The following MID1 variants were observed in gnomAD, a reference collection of about 807,000 sequenced individuals.
MID1 encodes the protein E3 ubiquitin-protein ligase Midline-1.
Under a neutral mutation model 40.4 loss-of-function variants are expected in MID1, and 7 were observed. The ratio of observed to expected loss-of-function variants is 0.17; its 90% CI spans 0.10 to 0.33. The LOEUF (loss-of-function observed/expected upper bound fraction) is 0.33, where lower values mean the gene tolerates loss of function less well. Ranked by LOEUF, MID1 falls within the 10% of genes least tolerant of loss-of-function variation. The pLI is 1.00. For missense variants in MID1, 367 were observed against 558.5 expected (o/e 0.66, Z 3.46); for synonymous variants, 229 against 221.2 (o/e 1.04, Z -0.31).
chrX:10,685,360 A>C (rs773689386), intron 1 of MID1, among the ~76,000 whole-genome samples: 1 of 112,099 alleles, frequency 8.9e-6, no homozygotes, highest in Non-Finnish European at 1.9e-5. Flanking sequence ...CATAGAAACT[A>C]GAATCCTTCT....
intron 7 of MID1, among the ~76,000 whole-genome samples, chrX:10,466,587 C>T (rs1397415561): frequency 7.2e-5 from 8 of 111,552 alleles, no homozygotes; most frequent in South Asian, 7.6e-4. Context: ...CCACTAGATG[C>T]CAATAGCACC....
At chrX:10,833,683 T>C (rs912769740), upstream of MID1, 2 of 112,336 alleles carry the variant, frequency 1.8e-5, no homozygotes, top group African/African-American at 6.5e-5. Context: ...ATCAGCTGAA[T>C]GGCTGGGGCG....
At chrX:10,569,377 C>A (rs1420727616) in intron 1 of MID1, among the ~76,000 whole-genome samples, 1 of 112,383 alleles carries the variant, frequency 8.9e-6, no homozygotes, top group African/African-American at 3.2e-5. Flanking sequence ...GTACATCTTT[C>A]TACAACCTGC....
At chrX:10,775,003 A>G (rs1369794285) in intron 1 of MID1, among the ~76,000 whole-genome samples, 1 of 109,822 alleles carries the variant, frequency 9.1e-6, no homozygotes, top group African/African-American at 3.3e-5. Flanking sequence ...TTTGTTTTGT[A>G]ATAAGAAGCA....
Position 10,805,902 on chromosome X carries a change from A to G in MID1, c.-187+27652T>C, listed in dbSNP as rs1357256320. On this transcript the variant is annotated intron_variant, in intron 1 of 10. Transcript: ENST00000380785. ...AAGTGTCTGTTCATGTCCTTCACCC[A>G]CTTTTTGATGGGGTTGTTTGTTTTT... is the stretch of plus-strand genomic sequence containing the variant. 2.8e-5 allele frequency among the ~76,000 whole-genome samples: 3 copies of G among 109,080 alleles called. No individual in the cohort carries two copies. The Admixed American group carries it at 2.9e-4, about 11-fold the overall frequency. The allele number at this position is 109,080 out of a possible 115,157, so 94.7% of individuals were successfully genotyped here. A position where few individuals can be genotyped will look rare whatever the true frequency, so the allele number is the denominator to read the frequency against.
chrX:10,810,696 C>CTCTGTGTG (rs1555926591), intron 1 of MID1, among the ~76,000 whole-genome samples: 12 of 101,104 alleles, frequency 1.2e-4, no homozygotes, highest in African/African-American at 4.3e-4. Context: ...GTTGTTTTCT[C>CTCTGTGTG]TGTGTGTGTG....
intron 1 of MID1, among the ~76,000 whole-genome samples, chrX:10,739,258 T>C (rs1401998283): frequency 1.8e-5 from 2 of 111,565 alleles, no homozygotes; most frequent in African/African-American, 6.5e-5. Flanking sequence ...GTGTGTCCTG[T>C]GTGTGGGTGG....
intron 1 of MID1, among the ~76,000 whole-genome samples, chrX:10,798,379 G>A (rs778846539): frequency 5.4e-5 from 6 of 111,775 alleles, no homozygotes; most frequent in African/African-American, 1.3e-4. Flanking sequence ...TGGCAACTGC[G>A]TCTGGCATGT....
chrX:10,798,646 A>G (rs1178406539), intron 1 of MID1, among the ~76,000 whole-genome samples: 4 of 111,345 alleles, frequency 3.6e-5, no homozygotes, highest in Non-Finnish European at 5.7e-5. Context: ...ATCTTTACCC[A>G]CTCTGAGCTC....
intron 1 of MID1, among the ~76,000 whole-genome samples, chrX:10,581,192 T>C (rs1269017244): frequency 9.0e-6 from 1 of 111,169 alleles, no homozygotes; most frequent in African/African-American, 3.3e-5. Context: ...GAGGTTGCAG[T>C]GAACCGAGAT....
intron 6 of MID1, among the ~76,000 whole-genome samples, chrX:10,472,420 C>T (rs1186657313): frequency 2.7e-5 from 3 of 112,585 alleles, no homozygotes; most frequent in African/African-American, 9.7e-5. Flanking sequence ...TTAATCAATA[C>T]TTTTGCATTC....
chrX:10,635,375 T>C (rs187957541), intron 1 of MID1, among the ~76,000 whole-genome samples: 1 of 112,517 alleles, frequency 8.9e-6, no homozygotes, highest in East Asian at 2.8e-4. Context: ...TTCCACTCTA[T>C]GAATATGATA....
chrX:10,578,427 T>A (rs1402435617), intron 1 of MID1, among the ~76,000 whole-genome samples: 2 of 111,709 alleles, frequency 1.8e-5, no homozygotes, highest in Non-Finnish European at 3.8e-5. Flanking sequence ...AGTTGAAACA[T>A]CAGGAAAGAA....
At chrX:10,638,370 G>A (rs1936145851) in intron 1 of MID1, among the ~76,000 whole-genome samples, 1 of 112,272 alleles carries the variant, frequency 8.9e-6, no homozygotes, top group South Asian at 3.7e-4. Flanking sequence ...CCTGCGCATG[G>A]CTCGGAGGGT....
intron 3 of MID1, among the ~76,000 whole-genome samples, chrX:10,501,972 C>T (rs1931569579): frequency 8.9e-6 from 1 of 112,164 alleles, no homozygotes; most frequent in African/African-American, 3.2e-5. Flanking sequence ...GATTTAGTTA[C>T]ATACATATAC....
intron 1 of MID1, among the ~76,000 whole-genome samples, chrX:10,689,976 G>A (rs1389235101): frequency 9.5e-6 from 1 of 105,720 alleles, no homozygotes; most frequent in Non-Finnish European, 1.9e-5. Context: ...TAAAAACTTG[G>A]AGTGTCCAGA....
intron 1 of MID1, among the ~76,000 whole-genome samples, chrX:10,789,149 C>T (rs966958106): frequency 1.8e-5 from 2 of 111,002 alleles, no homozygotes; most frequent in East Asian, 2.8e-4. Flanking sequence ...GCCGTAATTG[C>T]GCTACTGCAC....
chrX:10,584,445 T>C (rs1207858287), intron 1 of MID1, among the ~76,000 whole-genome samples: 1 of 111,840 alleles, frequency 8.9e-6, no homozygotes, highest in African/African-American at 3.3e-5. Flanking sequence ...GGAAGAGGCA[T>C]TGGTTTTGTC....
intron 1 of MID1, among the ~76,000 whole-genome samples, chrX:10,778,320 G>A (rs899192137): frequency 2.7e-5 from 3 of 110,435 alleles, no homozygotes; most frequent in Non-Finnish European, 3.8e-5. Flanking sequence ...GACCACCATC[G>A]TATATGTGGT....
Sources: gnomAD v4.1 joint callset for allele counts (sites outside exome capture counted in the v4.1 genomes callset) on GRCh38, gnomAD v4.1.1 for gene constraint, MANE v1.5 for transcripts, NCBI Gene and HGNC (gene_info 2026-07-23, HGNC 2026-07-21) for gene names.